Variants in DMD observed in about 807,000 individuals in gnomAD.
DMD encodes dystrophin, also known as mutant dystrophin.
DMD carries 63 observed loss-of-function variants against 330.1 expected under a neutral mutation model. That is an observed-to-expected ratio of 0.19 (90% confidence interval 0.16 to 0.24). The LOEUF (loss-of-function observed/expected upper bound fraction) is 0.24. Ranked by LOEUF, DMD falls within the 10% of genes least tolerant of loss-of-function variation. DMD has a pLI of 1.00. For missense variants in DMD, 3,344 were observed against 2,684.1 expected (o/e 1.25, Z -5.43); for synonymous variants, 1,223 against 959.8 (o/e 1.27, Z -5.07).
intron 76 of DMD, among the ~76,000 whole-genome samples, chrX:31,137,817 G>A (rs192023444): frequency 2.1e-4 from 23 of 111,256 alleles, no homozygotes; most frequent in African/African-American, 7.5e-4. Flanking sequence ...AGAAAGTGGA[G>A]TCTTGGAAGT....
rs781153726 is a variant in DMD at position 33,163,552 on chromosome X, G to GTATA, written c.31+47726_31+47729dup. On this transcript the variant is annotated intron_variant, in intron 1 of 78. Transcript: ENST00000357033. ...CTCCATCTCAAAAATATATATGTGT[G>GTATA]TATATATATATATATATATATATGT... Among the ~76,000 whole-genome samples the GTATA allele has an allele frequency of 7.2e-3, 659 of 90,984 alleles. 8 individuals are homozygous for GTATA. The highest frequency in any genetic ancestry group is 0.017 in the Middle Eastern group (3 of 177). The allele number at this position is 90,984 out of a possible 115,157, so 79.0% of individuals were successfully genotyped here.
At chrX:32,680,792 G>GCA (rs1412858246) in intron 9 of DMD, among the ~76,000 whole-genome samples, 8 of 107,522 alleles carry the variant, frequency 7.4e-5, no homozygotes, top group Non-Finnish European at 1.1e-4. Flanking sequence ...TTTCTCCCCA[G>GCA]CACACACACA....
chrX:31,240,302 T>C (rs919841131), intron 63 of DMD, among the ~76,000 whole-genome samples: 2 of 112,197 alleles, frequency 1.8e-5, no homozygotes, highest in Middle Eastern at 4.6e-3. Context: ...GGCATATTTT[T>C]ATGTGTATGT....
intron 12 of DMD, among the ~76,000 whole-genome samples, chrX:32,606,913 G>A (rs1032971699): frequency 9.2e-6 from 1 of 109,000 alleles, no homozygotes; most frequent in Non-Finnish European, 1.9e-5. Flanking sequence ...ACATGTTCTC[G>A]CTTATAAGAA....
chrX:31,385,239 G>A (rs1163597702), intron 60 of DMD, among the ~76,000 whole-genome samples: 2 of 111,531 alleles, frequency 1.8e-5, no homozygotes, highest in Non-Finnish European at 3.8e-5. Context: ...CCATTTCAAC[G>A]GCAGTAGGAA....
rs1402502780 is a variant in DMD, at chrX:32,868,174, C to T, written c.94-18354G>A. ...AGGGAGGTAGTGAGTGATTGTCCTA[C>T]CCTGCCTGGGAAATCTTTCTTTTTC... On this transcript the variant is annotated intron_variant, in intron 2 of 78. Transcript: ENST00000357033. 4.5e-5 allele frequency among the ~76,000 whole-genome samples: 5 copies of T among 112,011 alleles called. No homozygotes were observed. The Admixed American group carries it at 4.7e-4, about 11-fold the overall frequency.
intron 63 of DMD, among the ~76,000 whole-genome samples, chrX:31,242,404 C>T (rs1445028960): frequency 9.3e-6 from 1 of 107,527 alleles, no homozygotes; most frequent in Non-Finnish European, 1.9e-5. Flanking sequence ...CTACATTTTA[C>T]TTTACCTGAG....
chrX:33,008,355 G>A (rs755794806), intron 2 of DMD, among the ~76,000 whole-genome samples: 5 of 110,826 alleles, frequency 4.5e-5, no homozygotes, highest in Non-Finnish European at 9.5e-5. Flanking sequence ...TTAATTCTTT[G>A]TGTTCTGGCT....
intron 9 of DMD, among the ~76,000 whole-genome samples, chrX:32,689,017 T>C (rs1007135080): frequency 4.5e-5 from 5 of 111,064 alleles, no homozygotes; most frequent in African/African-American, 1.6e-4. Flanking sequence ...GTTACATCTT[T>C]GTAAGATTTT....
chrX:31,658,099 C>T lies in DMD; in HGVS notation c.7918G>A (p.Ala2640Thr). Reference protein sequence around the residue: ...LRQWQTNVDVANDLALKLLRD... With the variant: ...LRQWQTNVDVTNDLALKLLRD... Reference sequence around the variant, plus strand: ...AGAAGTTTCAGGGCCAAGTCATTTGCCACATCTACATTTGTCTGCCACTGG... The same window carrying T: ...AGAAGTTTCAGGGCCAAGTCATTTGTCACATCTACATTTGTCTGCCACTGG... Residue 2640 changes from alanine to threonine, a missense_variant, in exon 54 of 79, where the codon GCA (alanine) becomes ACA (threonine). Coordinates refer to ENST00000357033, the MANE Select transcript of DMD (RefSeq NM_004006.3). 8.3e-7 allele frequency: 1 copy of T among 1,211,772 alleles called. No individual in the cohort carries two copies. The highest frequency in any genetic ancestry group is 1.1e-6 in the Non-Finnish European group (1 of 895,349).
At chrX:31,891,313 G>A (rs1213051107) in intron 47 of DMD, among the ~76,000 whole-genome samples, 1 of 111,106 alleles carries the variant, frequency 9.0e-6, no homozygotes, top group African/African-American at 3.3e-5. Context: ...AAGAGAATAT[G>A]GATATAAATT....
chrX:32,260,778 C>G (rs2097319205), intron 43 of DMD, among the ~76,000 whole-genome samples: 1 of 93,119 alleles, frequency 1.1e-5, no homozygotes, highest in African/African-American at 3.4e-5. Context: ...ATGGAGATGG[C>G]TTCTGCTTCT....
At chrX:33,335,454 T>G (rs2148967561) in intron 1 of DMD, among the ~76,000 whole-genome samples, 1 of 110,963 alleles carries the variant, frequency 9.0e-6, no homozygotes, top group Admixed American at 9.6e-5. Flanking sequence ...TTCAATTAAT[T>G]ATTACTAAGC....
At chrX:32,329,664 C>A (rs2097669375) in intron 41 of DMD, among the ~76,000 whole-genome samples, 1 of 112,209 alleles carries the variant, frequency 8.9e-6, no homozygotes, top group Non-Finnish European at 1.9e-5. Context: ...GAGCTTTATA[C>A]GGGTCACAGA....
intron 59 of DMD, among the ~76,000 whole-genome samples, chrX:31,475,689 C>T (rs997973240): frequency 1.8e-5 from 2 of 111,999 alleles, no homozygotes; most frequent in African/African-American, 6.5e-5. Flanking sequence ...TTCCAGTACA[C>T]AGCAAGGTTA....
intron 55 of DMD, among the ~76,000 whole-genome samples, chrX:31,620,912 C>T (rs1285015090): frequency 9.0e-6 from 1 of 111,580 alleles, no homozygotes; most frequent in Non-Finnish European, 1.9e-5. Flanking sequence ...ATTCAAATAA[C>T]GACATAAATT....
Position 32,348,409 on chromosome X carries a change from A to G in DMD, c.5445T>C (p.Asp1815=). 8.3e-7 allele frequency: 1 copy of G among 1,207,802 alleles called. No individual in the cohort carries two copies. Among genetic ancestry groups the G allele is most frequent in the South Asian group, 1.8e-5 (1 of 56,909 alleles). ...ACTTTTATCACAACCAATTTACCAT[A>G]TCTTTATTGAAGTCTTCCTCTTTCA... ...VNLKEEDFNK[D]MNEDNEGTVK... The change falls in exon 38 of 79, where the codon GAT becomes GAC. Residue 1815 remains aspartate (D), a synonymous_variant. Coordinates refer to ENST00000357033, the MANE Select transcript of DMD (RefSeq NM_004006.3).
chrX:32,008,586 T>C (rs1008188794), intron 44 of DMD, among the ~76,000 whole-genome samples: 4 of 111,356 alleles, frequency 3.6e-5, no homozygotes, highest in Non-Finnish European at 7.5e-5. Flanking sequence ...GCAAAATGGA[T>C]AGACTTGAAA....
intron 44 of DMD, among the ~76,000 whole-genome samples, chrX:32,052,130 G>C (rs2096120713): frequency 9.0e-6 from 1 of 111,569 alleles, no homozygotes; most frequent in African/African-American, 3.2e-5. Flanking sequence ...TTCTTAGTTG[G>C]GCAGACCATC....
Sources: allele counts gnomAD v4.1 joint callset (sites outside exome capture counted in the v4.1 genomes callset), GRCh38; gene constraint gnomAD v4.1.1; transcripts MANE v1.5; gene names NCBI Gene and HGNC (gene_info 2026-07-23, HGNC 2026-07-21).